PTPRN2: variants seen among roughly 807,000 people sequenced by gnomAD.
PTPRN2 encodes the protein receptor-type tyrosine-protein phosphatase N2.
A neutral mutation model predicts 118.8 loss-of-function variants in PTPRN2; 74 were observed. The ratio of observed to expected loss-of-function variants is 0.62; its 90% CI spans 0.52 to 0.76. The LOEUF is 0.76. PTPRN2 is among the 30% of genes least tolerant of loss of function. The pLI is 0.00. For missense variants in PTPRN2, 1,481 were observed against 1,394.4 expected, an observed-to-expected ratio of 1.06 and a Z score of -0.99; for synonymous variants, 641 against 608.0, an observed-to-expected ratio of 1.05 and a Z score of -0.80.
At chr7:157,681,101 GT>G (rs797017780) in intron 13 of PTPRN2, among the ~76,000 whole-genome samples, 1 of 150,930 alleles carries the variant, frequency 6.6e-6, no homozygotes, top group Non-Finnish European at 1.5e-5. Context: ...TCAACCTGCA[GT>G]TTTTTTTTCA....
chr7:157,621,562 G>A (rs1803247738), intron 14 of PTPRN2, 53 bp from the exon 15 acceptor site: 3 of 1,596,790 alleles, frequency 1.9e-6, no homozygotes, highest in Non-Finnish European at 1.7e-6. Context: ...GCCCAGACCG[G>A]CAGATGCACA....
chr7:158,176,825 T>C (rs183111020), intron 5 of PTPRN2, among the ~76,000 whole-genome samples: 294 of 152,350 alleles, frequency 1.9e-3, no homozygotes, highest in South Asian at 8.9e-3. Context: ...AAAACTCAAA[T>C]GGACATCGTG....
chr7:158,201,456 T>C (rs1293977971), intron 4 of PTPRN2, among the ~76,000 whole-genome samples: 1 of 152,182 alleles, frequency 6.6e-6, no homozygotes, highest in Non-Finnish European at 1.5e-5. Flanking sequence ...ATCAAAATAT[T>C]TAACTCTAAA....
chr7:157,952,713 G>C (rs773521398), intron 11 of PTPRN2, among the ~76,000 whole-genome samples: 1 of 152,062 alleles, frequency 6.6e-6, no homozygotes, highest in Non-Finnish European at 1.5e-5. Flanking sequence ...CAGGCCTCTT[G>C]GTTCCCTCAG....
intron 11 of PTPRN2, among the ~76,000 whole-genome samples, chr7:157,933,317 T>TGAGTCATTC (rs1396037437): frequency 7.0e-6 from 1 of 143,322 alleles, no homozygotes; most frequent in African/African-American, 2.7e-5. Flanking sequence ...AGAGGAAGGG[T>TGAGTCATTC]GAGTCATTCT....
chr7:158,316,731 C>T, intron 3 of PTPRN2, 88 bp downstream of exon 3: 2 of 990,100 alleles, frequency 2.0e-6, no homozygotes, highest in South Asian at 3.3e-5. Context: ...TCAGTCCGTC[C>T]CAGCTCCTCA....
chr7:158,219,098 CCAA>C (rs1828160331), intron 3 of PTPRN2, among the ~76,000 whole-genome samples: 1 of 151,928 alleles, frequency 6.6e-6, no homozygotes, highest in African/African-American at 2.4e-5. Context: ...TACAGACTAC[CCAA>C]CAACAACAGA....
At chr7:157,639,700 G>A (rs1331639217) in intron 14 of PTPRN2, among the ~76,000 whole-genome samples, 1 of 152,260 alleles carries the variant, frequency 6.6e-6, no homozygotes, top group African/African-American at 2.4e-5. Context: ...TGCTGCCCAT[G>A]TGGGGCCAGC....
intron 12 of PTPRN2, among the ~76,000 whole-genome samples, chr7:157,873,829 C>A (rs570351794): frequency 3.3e-5 from 5 of 152,056 alleles, no homozygotes; most frequent in Non-Finnish European, 7.4e-5. Flanking sequence ...GCAGGGGGCA[C>A]CTGGGAGAGA....
intron 2 of PTPRN2, among the ~76,000 whole-genome samples, chr7:158,386,071 CCCTTCCT>C (rs1475929483): frequency 9.6e-6 from 1 of 103,670 alleles, no homozygotes; most frequent in Admixed American, 1.2e-4. Context: ...TCCTTCTGTA[CCCTTCCT>C]CCCTCCTCCC....
At chr7:157,914,671 A>AAC (rs1798296322) in intron 11 of PTPRN2, among the ~76,000 whole-genome samples, 3 of 151,920 alleles carry the variant, frequency 2.0e-5, no homozygotes, top group Admixed American at 2.0e-4. Flanking sequence ...AACCGTGTGT[A>AAC]AGAGTCTTCT....
At chr7:157,737,098 C>G (rs1018142998) in intron 12 of PTPRN2, among the ~76,000 whole-genome samples, 4 of 152,212 alleles carry the variant, frequency 2.6e-5, no homozygotes, top group African/African-American at 9.6e-5. Context: ...GAACTACGTC[C>G]TGGTTGCAGC....
intron 12 of PTPRN2, among the ~76,000 whole-genome samples, chr7:157,774,840 G>A (rs977793746): frequency 3.3e-5 from 5 of 152,102 alleles, no homozygotes; most frequent in East Asian, 1.9e-4. Context: ...CCAGTCCGAC[G>A]GGGGAGGCTT....
intron 3 of PTPRN2, among the ~76,000 whole-genome samples, chr7:158,234,032 T>G (rs1829347740): frequency 6.6e-6 from 1 of 151,952 alleles, no homozygotes; most frequent in African/African-American, 2.4e-5. Context: ...AAGAAAACAC[T>G]AAGGAAACAC....
At chr7:158,252,308 ATTAC>A (rs1362383390) in intron 3 of PTPRN2, among the ~76,000 whole-genome samples, 5 of 152,168 alleles carry the variant, frequency 3.3e-5, no homozygotes, top group African/African-American at 1.2e-4. Context: ...CTCAGTGCCA[ATTAC>A]TTGGAGGAAA....
intron 11 of PTPRN2, among the ~76,000 whole-genome samples, chr7:158,032,565 C>T (rs182427709): frequency 5.3e-5 from 8 of 152,168 alleles, no homozygotes; most frequent in East Asian, 3.9e-4. Context: ...AGAGACGTTC[C>T]GTATGCAATA....
Position 157,629,065 on chromosome 7 carries a change from A to G in PTPRN2, c.2197-7556T>C, listed in dbSNP as rs577454372. ...GATGCAGGACCCGCTCACACGAAAC[A>G]TGCTCGCCTTCCTGTTGGCACCAGG... On this transcript the variant is annotated intron_variant, in intron 14 of 22. Coordinates refer to ENST00000389418, the MANE Select transcript of PTPRN2 (RefSeq NM_002847.5). The surrounding 1 kb of genome is among the most constrained non-coding windows in gnomAD (Gnocchi z 4.4). Among the ~76,000 whole-genome samples, 180 of 152,208 alleles carry G rather than the reference A, an allele frequency of 1.2e-3. No individual in the cohort carries two copies. Among genetic ancestry groups the G allele is most frequent in the African/African-American group, 4.2e-3 (176 of 41,550 alleles).
intron 12 of PTPRN2, among the ~76,000 whole-genome samples, chr7:157,725,197 C>G (rs933746723): frequency 1.4e-5 from 2 of 144,928 alleles, no homozygotes; most frequent in African/African-American, 2.6e-5. Context: ...GATATCCACA[C>G]GCAGAGGACT....
chr7:157,688,405 G>A (rs997857139), intron 12 of PTPRN2, among the ~76,000 whole-genome samples: 1 of 152,222 alleles, frequency 6.6e-6, no homozygotes, highest in African/African-American at 2.4e-5. Flanking sequence ...CCTCCGGTGG[G>A]AGAGAGGGAC....
Sources: gnomAD v4.1 joint callset for allele counts (sites outside exome capture counted in the v4.1 genomes callset) on GRCh38, gnomAD v4.1.1 for gene constraint, Gnocchi (gnomAD v3.1) non-coding constraint, MANE v1.5 for transcripts, NCBI Gene and HGNC (gene_info 2026-07-23, HGNC 2026-07-21) for gene names.